RAB38: variants seen among roughly 807,000 people sequenced by gnomAD.
RAB38 encodes RAB38, member RAS oncogene family.
Under a neutral mutation model 18.4 loss-of-function variants are expected in RAB38, and 15 were observed. The observed-to-expected ratio is 0.82, with a 90% CI of 0.55 to 1.26. The LOEUF (loss-of-function observed/expected upper bound fraction) is 1.26. Ranked by LOEUF, RAB38 falls within the 50% of genes most tolerant of loss-of-function variation. The probability of loss-of-function intolerance (pLI) is 0.00; values close to 1 mark genes in which losing one functional copy is unlikely to be tolerated. For synonymous variants in RAB38, 101 were observed against 104.4 expected (o/e 0.97, Z 0.20); for missense variants, 294 against 267.4 (o/e 1.10, Z -0.69).
chr11:88,152,474 T>C (rs1943074605), intron 1 of RAB38, among the ~76,000 whole-genome samples: 1 of 152,208 alleles, frequency 6.6e-6, no homozygotes, highest in Non-Finnish European at 1.5e-5. Flanking sequence ...TGTATGTGTG[T>C]CAGATCAGAA....
the RAB38 span, among the ~76,000 whole-genome samples, chr11:88,108,119 C>T: frequency 6.6e-6 from 1 of 152,010 alleles, no homozygotes; most frequent in Non-Finnish European, 1.5e-5. Context: ...GGAGAGTTCT[C>T]TAGATGTCTA....
At chr11:87,881,677 T>C in the RAB38 span, among the ~76,000 whole-genome samples, 1 of 151,882 alleles carries the variant, frequency 6.6e-6, no homozygotes, top group East Asian at 2.0e-4. Context: ...GTTTGTCTAA[T>C]ATGAGCTTCA....
chr11:88,063,655 T>A, the RAB38 span, among the ~76,000 whole-genome samples: 1 of 152,176 alleles, frequency 6.6e-6, no homozygotes, highest in African/African-American at 2.4e-5. Flanking sequence ...CAGGTGGAGA[T>A]AATTGAATCA....
the RAB38 span, among the ~76,000 whole-genome samples, chr11:87,827,514 C>T: frequency 0.21 from 31,315 of 151,904 alleles, 3,722 homozygotes; most frequent in African/African-American, 0.31. Flanking sequence ...AACAAAAATG[C>T]AATCATGGCT....
At chr11:88,021,428 A>T in the RAB38 span, among the ~76,000 whole-genome samples, 1 of 152,044 alleles carries the variant, frequency 6.6e-6, no homozygotes, top group African/African-American at 2.4e-5. Context: ...AAGTAATAAA[A>T]TCTAGGCCAT....
At chr11:88,173,875 G>C in intron 1 of RAB38, 7 of 985,424 alleles carry the variant, frequency 7.1e-6, no homozygotes, top group Non-Finnish European at 8.4e-6. Flanking sequence ...CATGATTAAA[G>C]AGGCACGAAA....
At chr11:87,851,495 T>C in the RAB38 span, among the ~76,000 whole-genome samples, 3 of 152,204 alleles carry the variant, frequency 2.0e-5, no homozygotes, top group Non-Finnish European at 2.9e-5. Flanking sequence ...AGATAAACTG[T>C]TTTCATTGCT....
chr11:88,125,772 A>G (rs959810152), intron 2 of RAB38, among the ~76,000 whole-genome samples: 3 of 152,172 alleles, frequency 2.0e-5, no homozygotes, highest in African/African-American at 7.2e-5. Flanking sequence ...TTGGTGTTTT[A>G]GACATGAAGT....
the RAB38 span, among the ~76,000 whole-genome samples, chr11:87,805,623 G>GCACACA: frequency 4.4e-5 from 5 of 114,388 alleles, no homozygotes; most frequent in Admixed American, 8.5e-5. Flanking sequence ...ACACACACAC[G>GCACACA]CACACACACA....
At chr11:88,168,039 A>G (rs1002338459) in intron 1 of RAB38, among the ~76,000 whole-genome samples, 2 of 152,206 alleles carry the variant, frequency 1.3e-5, no homozygotes, top group African/African-American at 2.4e-5. Context: ...CAAAACATCT[A>G]TTCTCAAAAA....
At chr11:87,850,563 C>T in the RAB38 span, among the ~76,000 whole-genome samples, 4 of 152,148 alleles carry the variant, frequency 2.6e-5, no homozygotes, top group South Asian at 6.2e-4. Flanking sequence ...TGTGTTGGCT[C>T]ATGGTTTTAT....
chr11:88,113,345 C>G lies in RAB38; in HGVS notation c.*643G>C, dbSNP rs748043803. On this transcript the variant is annotated 3_prime_UTR_variant, in exon 3 of 3. Transcript: ENST00000243662. ...TAGCATGTATAGAGGAGCCCCACAG[C>G]TTGAGTCAGAGAAAGCTAACAGAAA... is the stretch of plus-strand genomic sequence containing the variant. 2 of 152,642 alleles carry G rather than the reference C, an allele frequency of 1.3e-5. No homozygotes were observed. The highest frequency in any genetic ancestry group is 2.9e-5 in the Non-Finnish European group (2 of 68,130). The allele number at this position is 152,642 out of a possible 1,614,324, so 9.5% of individuals were successfully genotyped here.
the RAB38 span, among the ~76,000 whole-genome samples, chr11:88,017,058 G>A: frequency 6.6e-6 from 1 of 152,012 alleles, no homozygotes; most frequent in Non-Finnish European, 1.5e-5. Context: ...AAGCTTCACA[G>A]ACAAGGCAAA....
the RAB38 span, among the ~76,000 whole-genome samples, chr11:88,062,800 A>G: frequency 1.3e-5 from 2 of 152,212 alleles, no homozygotes; most frequent in Non-Finnish European, 2.9e-5. Flanking sequence ...CCTCAATTTT[A>G]CAACCCCATG....
chr11:87,850,217 A>G, the RAB38 span, among the ~76,000 whole-genome samples: 1 of 152,168 alleles, frequency 6.6e-6, no homozygotes, highest in African/African-American at 2.4e-5. Context: ...CATTGATTCA[A>G]CAAAATAATA....
intron 2 of RAB38, among the ~76,000 whole-genome samples, chr11:88,123,347 T>G (rs973469956): frequency 6.6e-6 from 1 of 152,214 alleles, no homozygotes; most frequent in Admixed American, 6.5e-5. Context: ...AATGACTGAC[T>G]GAATAAATGA....
chr11:87,853,779 T>C, the RAB38 span, among the ~76,000 whole-genome samples: 1 of 152,222 alleles, frequency 6.6e-6, no homozygotes, highest in Non-Finnish European at 1.5e-5. Context: ...ATAAACTTAA[T>C]AGTTTTAAAT....
the RAB38 span, among the ~76,000 whole-genome samples, chr11:88,018,743 C>G: frequency 6.6e-6 from 1 of 152,260 alleles, no homozygotes; most frequent in African/African-American, 2.4e-5. Flanking sequence ...TAAATCATCT[C>G]TAGCTTACTT....
At chr11:87,849,540 G>A in the RAB38 span, among the ~76,000 whole-genome samples, 2 of 152,086 alleles carry the variant, frequency 1.3e-5, no homozygotes, top group African/African-American at 2.4e-5. Context: ...CAGAGAGACA[G>A]TTTCAGCATC....
Sources: gnomAD v4.1 joint callset for allele counts (sites outside exome capture counted in the v4.1 genomes callset) on GRCh38, gnomAD v4.1.1 for gene constraint, MANE v1.5 for transcripts, NCBI Gene and HGNC (gene_info 2026-07-23, HGNC 2026-07-21) for gene names.